Variants in AK5 observed in about 807,000 individuals in gnomAD.
AK5 encodes the protein adenylate kinase 5.
In AK5, 27 loss-of-function variants were observed where a neutral mutation model predicts 69.5. The ratio of observed to expected loss-of-function variants is 0.39; its 90% CI spans 0.29 to 0.54. The LOEUF is 0.54. Ranked by LOEUF, AK5 falls within the 20% of genes least tolerant of loss-of-function variation. AK5 has a pLI of 0.71. For missense variants in AK5, 531 were observed against 700.4 expected (o/e 0.76, Z 2.73); for synonymous variants, 260 against 244.4 (o/e 1.06, Z -0.60).
intron 8 of AK5, among the ~76,000 whole-genome samples, chr1:77,476,900 GTT>G (rs200307103): frequency 5.9e-4 from 60 of 102,234 alleles, no homozygotes; most frequent in East Asian, 1.1e-3. Context: ...GTGTTTTGCT[GTT>G]TTTTTAAAAA....
At chr1:77,283,819 T>A (rs749176315) in intron 1 of AK5, among the ~76,000 whole-genome samples, 42 of 152,158 alleles carry the variant, frequency 2.8e-4, no homozygotes, top group Non-Finnish European at 4.6e-4. Flanking sequence ...CAAAGATTAC[T>A]ACTGAGATAT....
intron 12 of AK5, among the ~76,000 whole-genome samples, chr1:77,526,463 G>A (rs1658290511): frequency 7.8e-6 from 1 of 128,906 alleles, no homozygotes; most frequent in Non-Finnish European, 1.6e-5. Context: ...GGGAATAAAA[G>A]TCTTTTTTTT....
intron 6 of AK5, among the ~76,000 whole-genome samples, chr1:77,351,927 C>CT (rs10658959): frequency 0.48 from 66,304 of 138,070 alleles, 16,533 homozygotes; most frequent in East Asian, 0.78. Flanking sequence ...GCAAGTAATT[C>CT]TTTTTTTTTT....
chr1:77,496,636 G>A (rs1297745631), intron 10 of AK5, among the ~76,000 whole-genome samples: 1 of 152,120 alleles, frequency 6.6e-6, no homozygotes, highest in African/African-American at 2.4e-5. Context: ...TGTCTCAGAA[G>A]CAGCTGGTTT....
chr1:77,467,006 A>G (rs1654184012), intron 8 of AK5, among the ~76,000 whole-genome samples: 1 of 152,200 alleles, frequency 6.6e-6, no homozygotes, highest in Non-Finnish European at 1.5e-5. Context: ...CATGCAAGAC[A>G]CTGAAATTTA....
chr1:77,424,306 G>C (rs951116835), intron 8 of AK5, among the ~76,000 whole-genome samples: 1 of 152,160 alleles, frequency 6.6e-6, no homozygotes, highest in African/African-American at 2.4e-5. Flanking sequence ...TGTTGCCCAG[G>C]TTGAAGTGCA....
intron 5 of AK5, among the ~76,000 whole-genome samples, chr1:77,328,602 C>T (rs1240612795): frequency 6.6e-6 from 1 of 152,050 alleles, no homozygotes; most frequent in African/African-American, 2.4e-5. Context: ...AGATTTGAGC[C>T]ATAAAAATGA....
intron 8 of AK5, among the ~76,000 whole-genome samples, chr1:77,467,432 A>G (rs1449798912): frequency 2.0e-5 from 3 of 152,036 alleles, no homozygotes; most frequent in Non-Finnish European, 2.9e-5. Flanking sequence ...ATGAATAGGA[A>G]AAACACTTCG....
chr1:77,363,932 T>C (rs2100445183), intron 6 of AK5, among the ~76,000 whole-genome samples: 1 of 152,334 alleles, frequency 6.6e-6, no homozygotes, highest in South Asian at 2.1e-4. Context: ...TGTCTACCTC[T>C]TCTGGTTAGA....
chr1:77,289,566 T>C (rs1185481851), intron 2 of AK5, among the ~76,000 whole-genome samples: 1 of 152,160 alleles, frequency 6.6e-6, no homozygotes, highest in Non-Finnish European at 1.5e-5. Context: ...GGAAAGCTGC[T>C]CTGACTGGGT....
intron 6 of AK5, among the ~76,000 whole-genome samples, chr1:77,393,018 G>A (rs61782700): frequency 0.16 from 24,358 of 151,922 alleles, 2,216 homozygotes; most frequent in Middle Eastern, 0.28. Flanking sequence ...CTGCAGTCTC[G>A]ACCTTCTGGG....
At chr1:77,421,735 T>C (rs1320313654) in intron 8 of AK5, among the ~76,000 whole-genome samples, 1 of 152,192 alleles carries the variant, frequency 6.6e-6, no homozygotes, top group Non-Finnish European at 1.5e-5. Flanking sequence ...CCTGCCTCCA[T>C]GTGATCCCTC....
At chr1:77,352,003 C>T (rs1570426076) in intron 6 of AK5, among the ~76,000 whole-genome samples, 1 of 149,142 alleles carries the variant, frequency 6.7e-6, no homozygotes, top group Non-Finnish European at 1.5e-5. Flanking sequence ...AATCTCGGCT[C>T]ACTGCAACCT....
chr1:77,422,962 T>C (rs1450339175), intron 8 of AK5, among the ~76,000 whole-genome samples: 1 of 152,096 alleles, frequency 6.6e-6, no homozygotes, highest in Non-Finnish European at 1.5e-5. Context: ...ACGCCTGTAA[T>C]CCCAGCACTT....
At chr1:77,449,569 A>G (rs995141017) in intron 8 of AK5, among the ~76,000 whole-genome samples, 21 of 152,172 alleles carry the variant, frequency 1.4e-4, no homozygotes, top group African/African-American at 4.8e-4. Flanking sequence ...TTAATGCTGA[A>G]ATTAGTTAAG....
At chr1:77,443,680 T>C (rs931255951) in intron 8 of AK5, among the ~76,000 whole-genome samples, 2,377 of 103,452 alleles carry the variant, frequency 0.023, 34 homozygotes, top group African/African-American at 0.057. Flanking sequence ...GGGGAGTCTG[T>C]GTGTGTGTGT....
chr1:77,305,060 T>C (rs1188737323), intron 5 of AK5, among the ~76,000 whole-genome samples: 1 of 152,196 alleles, frequency 6.6e-6, no homozygotes, highest in Non-Finnish European at 1.5e-5. Flanking sequence ...CTTATTGTAG[T>C]TTTGATTTGC....
intron 13 of AK5, among the ~76,000 whole-genome samples, chr1:77,547,542 G>T (rs914702401): frequency 2.0e-5 from 3 of 151,886 alleles, no homozygotes; most frequent in Admixed American, 1.3e-4. Context: ...AAAGTGCTGG[G>T]ATTACAGACA....
At chr1:77,446,070 T>C (rs1207646301) in intron 8 of AK5, among the ~76,000 whole-genome samples, 2 of 152,212 alleles carry the variant, frequency 1.3e-5, no homozygotes, top group Non-Finnish European at 2.9e-5. Context: ...TCAGTCTTAC[T>C]TTTGGGTCTC....
Sources: allele counts gnomAD v4.1 joint callset (sites outside exome capture counted in the v4.1 genomes callset), GRCh38; gene constraint gnomAD v4.1.1; transcripts MANE v1.5; gene names NCBI Gene and HGNC (gene_info 2026-07-23, HGNC 2026-07-21).